GABRG1: variants seen among roughly 807,000 people sequenced by gnomAD.
The protein encoded by GABRG1 is gamma-aminobutyric acid receptor subunit gamma-1.
Under a neutral mutation model 49.8 loss-of-function variants are expected in GABRG1, and 49 were observed. The ratio of observed to expected loss-of-function variants is 0.98; its 90% CI spans 0.78 to 1.25. GABRG1 has a LOEUF of 1.25. Ranked by LOEUF, GABRG1 falls within the 50% of genes most tolerant of loss-of-function variation. The pLI is 0.00. For missense variants in GABRG1, 552 were observed against 552.3 expected, an observed-to-expected ratio of 1.00 and a Z score of 0.01; for synonymous variants, 232 against 185.1, an observed-to-expected ratio of 1.25 and a Z score of -2.06.
intron 3 of GABRG1, among the ~76,000 whole-genome samples, chr4:46,070,667 AAG>A (rs1361944439): frequency 1.3e-5 from 2 of 152,074 alleles, no homozygotes; most frequent in African/African-American, 4.8e-5. Flanking sequence ...AGAAAGGGAA[AAG>A]AGAGTTGAAT....
At chr4:46,110,290 G>C (rs528888248) in intron 1 of GABRG1, among the ~76,000 whole-genome samples, 1 of 151,000 alleles carries the variant, frequency 6.6e-6, no homozygotes, top group African/African-American at 2.4e-5. Context: ...CATTTTTACT[G>C]TTGATGGTTT....
rs11937872 is a variant in GABRG1 at position 46,037,608 on chromosome 4, T to A, written c.*3380A>T. 6 of 151,442 alleles carry A rather than the reference T, an allele frequency of 4.0e-5. No individual in the cohort carries two copies. The highest frequency in any genetic ancestry group is 1.5e-4 in the African/African-American group (6 of 41,360). The allele number at this position is 151,442 out of a possible 1,614,324, so 9.4% of individuals were successfully genotyped here. A position where few individuals can be genotyped will look rare whatever the true frequency, so the allele number is the denominator to read the frequency against. ...CAGTTCTAAAACCAATGAAATAATT[T>A]CAAATGTAGTATTTTTTTACAGGAA... On this transcript the variant is annotated 3_prime_UTR_variant, in exon 9 of 9. Transcript: ENST00000295452.
At position 46,037,240 on chromosome 4, in the gene GABRG1, A is replaced by G. The variant is rs951616579; in HGVS notation, c.*3748T>C. The G allele has an allele frequency of 6.6e-6, 1 of 151,870 alleles. No individual in the cohort carries two copies. Among genetic ancestry groups the G allele is most frequent in the African/African-American group, 2.4e-5 (1 of 41,402 alleles). 9.4% of individuals were successfully genotyped at this position (151,870 alleles called of 1,614,324 possible). ...GCTGCATATATATTTGAATGAGGTT[A>G]CCTCACTTCCGAAATGCAAACACAA... On this transcript the variant is annotated 3_prime_UTR_variant, in exon 9 of 9. Transcript: ENST00000295452.
At chr4:46,111,119 G>T (rs982963842) in intron 1 of GABRG1, among the ~76,000 whole-genome samples, 2 of 150,948 alleles carry the variant, frequency 1.3e-5, no homozygotes, top group Non-Finnish European at 3.0e-5. Context: ...CCACCAAAAG[G>T]CTCCTGGAAC....
intron 1 of GABRG1, among the ~76,000 whole-genome samples, chr4:46,121,544 A>G (rs1387506620): frequency 6.6e-6 from 1 of 151,990 alleles, no homozygotes; most frequent in Non-Finnish European, 1.5e-5. Context: ...AGAAAGAAAC[A>G]TGTTCTAATA....
chr4:46,084,404 G>A (rs981896393), intron 2 of GABRG1, among the ~76,000 whole-genome samples: 2 of 151,314 alleles, frequency 1.3e-5, no homozygotes, highest in African/African-American at 2.4e-5. Flanking sequence ...ACTCATAATC[G>A]CAATGCTATG....
rs1311420313 is a variant in GABRG1 at position 46,038,486 on chromosome 4, T to A, written c.*2502A>T. 1.3e-5 allele frequency: 2 copies of A among 151,498 alleles called. No homozygotes were observed. The highest frequency in any genetic ancestry group is 3.0e-5 in the Non-Finnish European group (2 of 67,656). The allele number at this position is 151,498 out of a possible 1,614,324, so 9.4% of individuals were successfully genotyped here. ...GTTAGCATTAAAAACATTGAAAGCA[T>A]CCAGGAAAATCAAGTTCCAATAAAT... On this transcript the variant is annotated 3_prime_UTR_variant, in exon 9 of 9. Transcript: ENST00000295452.
intron 8 of GABRG1, among the ~76,000 whole-genome samples, chr4:46,045,856 C>T (rs186693526): frequency 1.3e-5 from 2 of 152,012 alleles, no homozygotes; most frequent in East Asian, 3.9e-4. Flanking sequence ...TGAGCCAATA[C>T]ACCAGGTCAA....
At chr4:46,120,503 G>T (rs1721062755) in intron 1 of GABRG1, among the ~76,000 whole-genome samples, 1 of 151,472 alleles carries the variant, frequency 6.6e-6, no homozygotes, top group Non-Finnish European at 1.5e-5. Context: ...TACGACATTT[G>T]CATTTTAGCT....
intron 5 of GABRG1, among the ~76,000 whole-genome samples, chr4:46,061,090 C>T (rs1718654804): frequency 6.6e-6 from 1 of 152,080 alleles, no homozygotes. Context: ...TAACAACAAT[C>T]AAAACCAGAG....
intron 1 of GABRG1, among the ~76,000 whole-genome samples, chr4:46,112,239 T>C (rs1284763850): frequency 6.6e-6 from 1 of 151,032 alleles, no homozygotes; most frequent in Non-Finnish European, 1.5e-5. Flanking sequence ...AGGGAACATA[T>C]TCCACACCTC....
chr4:46,118,246 C>A (rs905386087), intron 1 of GABRG1, among the ~76,000 whole-genome samples: 3 of 95,746 alleles, frequency 3.1e-5, no homozygotes, highest in Non-Finnish European at 6.1e-5. Flanking sequence ...ACATATAGAT[C>A]TATCTATCTA....
chr4:46,111,569 A>G (rs1720715498), intron 1 of GABRG1, among the ~76,000 whole-genome samples: 1 of 151,444 alleles, frequency 6.6e-6, no homozygotes, highest in Non-Finnish European at 1.5e-5. Context: ...AGCCAGAATC[A>G]TCACATTATC....
intron 3 of GABRG1, among the ~76,000 whole-genome samples, chr4:46,078,233 A>G (rs1719432414): frequency 6.6e-6 from 1 of 152,046 alleles, no homozygotes; most frequent in African/African-American, 2.4e-5. Flanking sequence ...TAAGAAGACT[A>G]ATACCTTTTT....
At chr4:46,117,609 T>TATATATATATATATA (rs1720943822) in intron 1 of GABRG1, among the ~76,000 whole-genome samples, 1 of 138,014 alleles carries the variant, frequency 7.2e-6, no homozygotes, top group Non-Finnish European at 1.6e-5. Context: ...TCTCTCTCTC[T>TATATATATATATATA]CTCTATATAT....
intron 2 of GABRG1, among the ~76,000 whole-genome samples, chr4:46,093,410 T>A (rs1428010662): frequency 6.6e-6 from 1 of 151,930 alleles, no homozygotes; most frequent in Admixed American, 6.6e-5. Context: ...ATCAAAACAA[T>A]TGAACTCATA....
intron 3 of GABRG1, among the ~76,000 whole-genome samples, chr4:46,082,276 A>G (rs1719604719): frequency 1.3e-5 from 2 of 151,746 alleles, no homozygotes; most frequent in South Asian, 4.1e-4. Context: ...TTTTCATTCT[A>G]AATGGTCTTT....
chr4:46,107,095 T>C (rs1252912546), intron 1 of GABRG1, among the ~76,000 whole-genome samples: 1 of 151,320 alleles, frequency 6.6e-6, no homozygotes, highest in East Asian at 2.0e-4. Context: ...TTTTAAAATA[T>C]ACAATTAAGT....
chr4:46,117,111 T>C (rs1720920272), intron 1 of GABRG1, among the ~76,000 whole-genome samples: 1 of 150,582 alleles, frequency 6.6e-6, no homozygotes, highest in Non-Finnish European at 1.5e-5. Context: ...CTAGCAGTCT[T>C]AAAGCCATCT....
Sources: gnomAD v4.1 joint callset for allele counts (sites outside exome capture counted in the v4.1 genomes callset) on GRCh38, gnomAD v4.1.1 for gene constraint, MANE v1.5 for transcripts, NCBI Gene and HGNC (gene_info 2026-07-23, HGNC 2026-07-21) for gene names.